CCNY: variants seen among roughly 807,000 people sequenced by gnomAD.
The protein encoded by CCNY is cyclin Y.
Under a neutral mutation model 42.8 loss-of-function variants are expected in CCNY, and 19 were observed. The observed-to-expected ratio is 0.44, with a 90% CI of 0.31 to 0.65. The LOEUF (loss-of-function observed/expected upper bound fraction) is 0.65, where lower values mean the gene tolerates loss of function less well. Among genes scored for constraint, CCNY ranks in the 30% least tolerant of loss-of-function variants. The probability of loss-of-function intolerance (pLI) is 0.07; values close to 1 mark genes in which losing one functional copy is unlikely to be tolerated. For missense variants in CCNY, 370 were observed against 437.3 expected, an observed-to-expected ratio of 0.85 and a Z score of 1.37; for synonymous variants, 165 against 162.7, an observed-to-expected ratio of 1.01 and a Z score of -0.11.
chr10:35,330,251 A>C (rs1042153167), intron 3 of CCNY, among the ~76,000 whole-genome samples: 1 of 152,222 alleles, frequency 6.6e-6, no homozygotes, highest in Non-Finnish European at 1.5e-5. Context: ...CAGTTCTGGG[A>C]ATACTGAAGA....
intron 3 of CCNY, chr10:35,315,113 A>T (rs1333087652): frequency 1.3e-5 from 2 of 152,178 alleles, no homozygotes; most frequent in Non-Finnish European, 2.9e-5. Flanking sequence ...ATAACTTTTT[A>T]AAAAACTTTT....
rs150355641 is a variant in CCNY at position 35,536,162 on chromosome 10, G to A, written c.579+5919G>A. 3.4e-3 allele frequency among the ~76,000 whole-genome samples: 517 copies of A among 152,262 alleles called. 5 individuals carry two copies. The highest frequency in any genetic ancestry group is 0.012 in the African/African-American group (504 of 41,542). Reference sequence around the variant, plus strand: ...CAGCAGTTTCCCCCATACTGTTCTTGTGGTAGTGGATAAGTGTTATGAGAT... The same window carrying A: ...CAGCAGTTTCCCCCATACTGTTCTTATGGTAGTGGATAAGTGTTATGAGAT... On this transcript the variant is annotated intron_variant, in intron 7 of 9. Coordinates refer to ENST00000374704, the MANE Select transcript of CCNY (RefSeq NM_145012.6).
intron 7 of CCNY, among the ~76,000 whole-genome samples, chr10:35,549,497 G>A (rs546698296): frequency 4.0e-4 from 60 of 150,236 alleles, no homozygotes; most frequent in African/African-American, 1.5e-3. Context: ...CATGGCCCAT[G>A]ACCCTACAGT....
intron 8 of CCNY, 131 bp from the exon 9 acceptor site, chr10:35,565,892 C>CA: frequency 4.5e-6 from 4 of 885,670 alleles, no homozygotes; most frequent in Non-Finnish European, 5.3e-6. Context: ...TCTAACCAGA[C>CA]ATTTACTTAG....
chr10:35,494,057 A>G (rs1839955302), intron 2 of CCNY, among the ~76,000 whole-genome samples: 1 of 152,144 alleles, frequency 6.6e-6, no homozygotes, highest in East Asian at 1.9e-4. Flanking sequence ...TGCTGTGCCC[A>G]GTCCCATCTT....
Position 35,436,727 on chromosome 10 carries a change from G to A in CCNY, c.155-46677G>A, listed in dbSNP as rs965196908. ...CGTTGGATGAAAATGAAATCTGTAC[G>A]TTGGATGAAAATGAAATCTTCAAAA... On this transcript the variant is annotated intron_variant, in intron 1 of 9. Transcript: ENST00000374704. Among the ~76,000 whole-genome samples, 21 of 152,140 alleles carry A rather than the reference G, an allele frequency of 1.4e-4. 1 individual carries two copies. Among genetic ancestry groups the A allele is most frequent in the Admixed American group, 1.2e-3 (19 of 15,282 alleles).
chr10:35,352,108 G>C (rs553716393), intron 1 of CCNY, among the ~76,000 whole-genome samples: 1 of 152,272 alleles, frequency 6.6e-6, no homozygotes, highest in African/African-American at 2.4e-5. Flanking sequence ...CTGACGGTGG[G>C]TCACTGTGTG....
chr10:35,432,800 C>T (rs1838441795), intron 1 of CCNY, among the ~76,000 whole-genome samples: 1 of 152,120 alleles, frequency 6.6e-6, no homozygotes, highest in African/African-American at 2.4e-5. Flanking sequence ...AGGAAAAATC[C>T]ATTATTAGAA....
At chr10:35,529,767 G>A (rs1350427128) in intron 5 of CCNY, among the ~76,000 whole-genome samples, 1 of 151,848 alleles carries the variant, frequency 6.6e-6, no homozygotes, top group African/African-American at 2.4e-5. Flanking sequence ...CTAATTGGAA[G>A]GCTGAAGCAG....
Position 35,336,967 on chromosome 10 carries a change from C to G in CCNY, c.-87C>G. ...AGCGGGCGGGCCTCCCCACACGCCC[C>G]CGCCGCCCGCGCCCCGCGTCCACCC... On this transcript the variant is annotated 5_prime_UTR_variant, in exon 1 of 10. Coordinates refer to ENST00000374704, the MANE Select transcript of CCNY (RefSeq NM_145012.6). 7 of 1,133,850 alleles carry G rather than the reference C, an allele frequency of 6.2e-6. No homozygotes were observed. The highest frequency in any genetic ancestry group is 7.8e-6 in the Non-Finnish European group (7 of 894,110). 70.2% of individuals were successfully genotyped at this position (1,133,850 alleles called of 1,614,324 possible).
At chr10:35,481,190 GT>G (rs998980974) in intron 1 of CCNY, among the ~76,000 whole-genome samples, 1 of 152,126 alleles carries the variant, frequency 6.6e-6, no homozygotes, top group African/African-American at 2.4e-5. Context: ...TTTTTAGATG[GT>G]ATGATAGCAT....
intron 1 of CCNY, among the ~76,000 whole-genome samples, chr10:35,363,039 G>T (rs1050658814): frequency 6.9e-6 from 1 of 145,676 alleles, no homozygotes; most frequent in Non-Finnish European, 1.5e-5. Context: ...GCCGGCGGCC[G>T]GGCGGAGACG....
At chr10:35,364,851 T>C (rs1836775053) in intron 1 of CCNY, among the ~76,000 whole-genome samples, 1 of 152,210 alleles carries the variant, frequency 6.6e-6, no homozygotes, top group Admixed American at 6.5e-5. Flanking sequence ...ATAAATCTGA[T>C]TGGGAAATGG....
At chr10:35,511,179 G>T (rs1250725408) in intron 3 of CCNY, among the ~76,000 whole-genome samples, 1 of 152,232 alleles carries the variant, frequency 6.6e-6, no homozygotes, top group Non-Finnish European at 1.5e-5. Context: ...GTGCCATAAT[G>T]GAGGCAGACG....
chr10:35,553,613 T>G (rs1387653765), intron 8 of CCNY, among the ~76,000 whole-genome samples: 1 of 152,230 alleles, frequency 6.6e-6, no homozygotes, highest in Non-Finnish European at 1.5e-5. Context: ...TAAAATATTT[T>G]ACATTTTTGT....
chr10:35,446,453 TA>T (rs1838792417), intron 1 of CCNY, among the ~76,000 whole-genome samples: 1 of 152,258 alleles, frequency 6.6e-6, no homozygotes, highest in Non-Finnish European at 1.5e-5. Flanking sequence ...TTAATTGTCC[TA>T]AATTAACTGA....
At chr10:35,459,973 T>C (rs567378338) in intron 1 of CCNY, among the ~76,000 whole-genome samples, 11 of 152,262 alleles carry the variant, frequency 7.2e-5, no homozygotes, top group Admixed American at 5.2e-4. Flanking sequence ...GAGGTAGATA[T>C]AAATGCAGCC....
At chr10:35,546,977 C>A (rs1589196722) in intron 7 of CCNY, among the ~76,000 whole-genome samples, 2 of 152,254 alleles carry the variant, frequency 1.3e-5, no homozygotes, top group Middle Eastern at 3.4e-3. Flanking sequence ...TCACAGTCTT[C>A]TTTTTCTGCT....
At chr10:35,350,338 A>C (rs1589051943) in intron 1 of CCNY, among the ~76,000 whole-genome samples, 1 of 150,598 alleles carries the variant, frequency 6.6e-6, no homozygotes, top group Non-Finnish European at 1.5e-5. Context: ...TTTCTTATTC[A>C]TTTTTCACAT....
Sources: allele counts gnomAD v4.1 joint callset (sites outside exome capture counted in the v4.1 genomes callset), GRCh38; gene constraint gnomAD v4.1.1; transcripts MANE v1.5; gene names NCBI Gene and HGNC (gene_info 2026-07-23, HGNC 2026-07-21).